Variants in RAB11FIP5 observed in about 807,000 individuals in gnomAD.
RAB11FIP5 encodes RAB11 family interacting protein 5.
Under a neutral mutation model 85.1 loss-of-function variants are expected in RAB11FIP5, and 48 were observed. The ratio of observed to expected loss-of-function variants is 0.56; its 90% CI spans 0.45 to 0.72. The LOEUF (loss-of-function observed/expected upper bound fraction) is 0.72, where lower values mean the gene tolerates loss of function less well. Among genes scored for constraint, RAB11FIP5 ranks in the 30% least tolerant of loss-of-function variants. The pLI is 0.00. For synonymous variants in RAB11FIP5, 729 were observed against 727.3 expected (o/e 1.00, Z -0.04); for missense variants, 1,491 against 1,687.0 (o/e 0.88, Z 2.04).
In RAB11FIP5 at chr2:73,081,095, T is replaced by TCCTCCTCCTCCTCCTCCTCC. The variant is rs1559232929; in HGVS notation, c.2136_2137insGGAGGAGGAGGAGGAGGAGG (p.Arg713GlyfsTer41). The TCCTCCTCCTCCTCCTCCTCC allele has an allele frequency of 8.2e-7, 1 of 1,223,890 alleles. No individual in the cohort carries two copies. Among genetic ancestry groups the TCCTCCTCCTCCTCCTCCTCC allele is most frequent in the African/African-American group, 1.6e-5 (1 of 62,996 alleles). The allele number at this position is 1,223,890 out of a possible 1,614,324, so 75.8% of individuals were successfully genotyped here. A position where few individuals can be genotyped will look rare whatever the true frequency, so the allele number is the denominator to read the frequency against. On this transcript the variant is annotated frameshift_variant, in exon 4 of 6. Coordinates refer to ENST00000486777, the MANE Select transcript of RAB11FIP5 (RefSeq NM_001371272.1). LOFTEE classifies it high-confidence loss of function. The surrounding 1 kb of genome is among the most constrained non-coding windows in gnomAD (Gnocchi z 4.2). ...TCCAGCCACACGCTGCTCCCACCTC[T>TCCTCCTCCTCCTCCTCCTCC]TCCTCCTCCTCCTCCTCCTCCTCCT...
intron 1 of RAB11FIP5, among the ~76,000 whole-genome samples, chr2:73,107,444 T>G (rs1301416901): frequency 6.6e-6 from 1 of 152,188 alleles, no homozygotes; most frequent in Non-Finnish European, 1.5e-5. Flanking sequence ...GATGTGGCTC[T>G]GCTGAGCTGT....
rs3832033 is a variant in RAB11FIP5, at chr2:73,075,763, G to GGCCT, written c.3772-43_3772-40dup. The GGCCT allele has an allele frequency of 0.23, 348,816 of 1,509,836 alleles. 45,622 individuals are homozygous for GGCCT. The highest frequency in any genetic ancestry group is 0.55 in the East Asian group (22,248 of 40,742). The allele number at this position is 1,509,836 out of a possible 1,614,324, so 93.5% of individuals were successfully genotyped here. A position where few individuals can be genotyped will look rare whatever the true frequency, so the allele number is the denominator to read the frequency against. ...GAAGACAGTGAGCAGGGCAGCCCTA[G>GGCCT]GCCTGCCTGCCTGCCTGCCCGCTTG... On this transcript the variant is annotated intron_variant, in intron 5 of 5. Coordinates refer to ENST00000486777, the MANE Select transcript of RAB11FIP5 (RefSeq NM_001371272.1). This position sits in a 1 kb window ranked among gnomAD's most constrained non-coding sequence, Gnocchi z 4.6.
chr2:73,109,679 T>C (rs7602651), intron 1 of RAB11FIP5, among the ~76,000 whole-genome samples: 1 of 152,020 alleles, frequency 6.6e-6, no homozygotes. Flanking sequence ...CCCAGCCCTA[T>C]TTCTTGGGCC....
intron 3 of RAB11FIP5, chr2:73,084,415 A>G (rs1684055399): frequency 6.6e-6 from 1 of 152,120 alleles, no homozygotes; most frequent in Non-Finnish European, 1.5e-5. Context: ...TCTGCATCCT[A>G]GAACCTACTG....
chr2:73,088,070 C>T lies in RAB11FIP5; in HGVS notation c.1548G>A (p.Lys516=), dbSNP rs1684124243. 8 of 1,603,190 alleles carry T rather than the reference C, an allele frequency of 5.0e-6. No homozygotes were observed. Among genetic ancestry groups the T allele is most frequent in the Non-Finnish European group, 6.0e-6 (7 of 1,173,574 alleles). ...KSSWFGLREA[K]DPTQKPSLDV... ...CTTACCTGGGTTTCTGAGTCGGGTC[C>T]TTGGCTTCTCTCAAGCCAAACCAGC... is the stretch of plus-strand genomic sequence containing the variant. The change falls in exon 3 of 6, where the codon AAG becomes AAA. Residue 516 remains lysine (K), a synonymous_variant. Coordinates refer to ENST00000486777, the MANE Select transcript of RAB11FIP5 (RefSeq NM_001371272.1).
chr2:73,111,705 T>TCC, intron 1 of RAB11FIP5, among the ~76,000 whole-genome samples: 1 of 152,240 alleles, frequency 6.6e-6, no homozygotes, highest in South Asian at 2.1e-4. Context: ...CTCAAGTGTT[T>TCC]CCTTCCTTAA....
In RAB11FIP5 at chr2:73,091,897, G is replaced by T. The variant is rs555828696; in HGVS notation, c.432-2582C>A. Among the ~76,000 whole-genome samples, 9 of 152,320 alleles carry T rather than the reference G, an allele frequency of 5.9e-5. No individual in the cohort carries two copies. The East Asian group carries it at 1.5e-3, about 26-fold the overall frequency. On this transcript the variant is annotated intron_variant, in intron 1 of 5. Transcript: ENST00000486777. ...TGAGAAGGCCGGGTAGGAACAGATG[G>T]TGCCACAGGCAGGGCGGACAGAGAA...
At chr2:73,077,336 A>G (rs1165797760) in intron 4 of RAB11FIP5, among the ~76,000 whole-genome samples, 1 of 152,126 alleles carries the variant, frequency 6.6e-6, no homozygotes, top group African/African-American at 2.4e-5. Context: ...CTCGGCCTTA[A>G]CAATCAAGCA....
At chr2:73,083,644 C>G (rs983057074) in intron 3 of RAB11FIP5, among the ~76,000 whole-genome samples, 3 of 152,162 alleles carry the variant, frequency 2.0e-5, no homozygotes, top group African/African-American at 4.8e-5. Context: ...AGCCTCAACC[C>G]CAGCAGATGC....
At position 73,080,868 on chromosome 2, in the gene RAB11FIP5, T is replaced by C. The variant is rs1021119336; in HGVS notation, c.2364A>G (p.Leu788=). 3.0e-5 allele frequency: 37 copies of C among 1,232,376 alleles called. No homozygotes were observed. The South Asian group carries it at 4.5e-4, about 15-fold the overall frequency. The allele number at this position is 1,232,376 out of a possible 1,614,324, so 76.3% of individuals were successfully genotyped here. A position where few individuals can be genotyped will look rare whatever the true frequency, so the allele number is the denominator to read the frequency against. ...CACTGATCACTTCTGGGGAGCTAAATAGAGATGTCCCACTGTCTGCCGGAC... is the reference window on the plus strand; with the variant it reads ...CACTGATCACTTCTGGGGAGCTAAACAGAGATGTCCCACTGTCTGCCGGAC... ...GQSPADSGTS[L]FSSPEVISVW... is the part of the protein sequence containing the mutation. The change falls in exon 4 of 6, where the codon CTA becomes CTG. Residue 788 remains leucine, a synonymous_variant. Coordinates refer to ENST00000486777, the MANE Select transcript of RAB11FIP5 (RefSeq NM_001371272.1).
At position 73,081,280 on chromosome 2, in the gene RAB11FIP5, G is replaced by C. The variant is rs1252482519; in HGVS notation, c.1952C>G (p.Thr651Ser). The C allele has an allele frequency of 1.6e-6, 2 of 1,232,488 alleles. No homozygotes were observed. The highest frequency in any genetic ancestry group is 3.1e-5 in the African/African-American group (2 of 64,438). 76.3% of individuals were successfully genotyped at this position (1,232,488 alleles called of 1,614,324 possible). A position where few individuals can be genotyped will look rare whatever the true frequency, so the allele number is the denominator to read the frequency against. Reference sequence around the variant, plus strand: ...CCTGCTGGCAGCAAAGACGTTGAAGGTGTTGTCCCACTCAGGCAGGGCTTT... The same window carrying C: ...CCTGCTGGCAGCAAAGACGTTGAAGCTGTTGTCCCACTCAGGCAGGGCTTT... ...PGKALPEWDN[T>S]FNVFAASRLR... The change falls in exon 4 of 6, where the codon ACC (threonine) becomes AGC (serine). Residue 651 changes from threonine to serine, a missense_variant. Transcript: ENST00000486777. The surrounding 1 kb of genome is among the most constrained non-coding windows in gnomAD (Gnocchi z 4.2).
Position 73,080,464 on chromosome 2 carries a change from A to T in RAB11FIP5, c.2768T>A (p.Val923Glu). 1 of 1,233,612 alleles carries T rather than the reference A, an allele frequency of 8.1e-7. No homozygotes were observed. The highest frequency in any genetic ancestry group is 1.0e-6 in the Non-Finnish European group (1 of 988,846). 76.4% of individuals were successfully genotyped at this position (1,233,612 alleles called of 1,614,324 possible). A position where few individuals can be genotyped will look rare whatever the true frequency, so the allele number is the denominator to read the frequency against. ...CTCCGGCCCCCTGTTACTCAGCCCCACTGCGGCCTTCTCCTCCTCCTCCTC... is the reference window on the plus strand; with the variant it reads ...CTCCGGCCCCCTGTTACTCAGCCCCTCTGCGGCCTTCTCCTCCTCCTCCTC... ...SQEEEEEKAA[V>E]GLSNRGPETE... Residue 923 changes from valine to glutamate, a missense_variant, in exon 4 of 6, where the codon GTG (valine) becomes GAG (glutamate). Around this residue, in one of 3 missense-constraint regions of RAB11FIP5, gnomAD observed 1,211 missense variants for 1,338.0 expected, o/e 0.91. Transcript: ENST00000486777.
At chr2:73,094,220 T>C (rs6736153) in intron 1 of RAB11FIP5, among the ~76,000 whole-genome samples, 43,230 of 151,876 alleles carry the variant, frequency 0.28, 7,936 homozygotes, top group East Asian at 0.55. Flanking sequence ...TCTGCTACTG[T>C]TCCTTCCTCC....
Position 73,112,361 on chromosome 2 carries a change from G to C in RAB11FIP5, c.417C>G (p.Arg139=). ...CCCCTACTCACTGCGTGTGCTGGGC[G>C]CGGCCTGCGCCGAAGACCTCGTCCA... ...VALDEVFGAG[R]AQHTQWYKLH... The change falls in exon 1 of 6, where the codon CGC becomes CGG. Residue 139 remains arginine (R), a synonymous_variant. Coordinates refer to ENST00000486777, the MANE Select transcript of RAB11FIP5 (RefSeq NM_001371272.1). 1 of 1,587,656 alleles carries C rather than the reference G, an allele frequency of 6.3e-7. No individual in the cohort carries two copies. Among genetic ancestry groups the C allele is most frequent in the Non-Finnish European group, 8.5e-7 (1 of 1,172,998 alleles).
At position 73,075,497 on chromosome 2, in the gene RAB11FIP5, C is replaced by A. The variant is rs761867309; in HGVS notation, c.*24G>T. On this transcript the variant is annotated 3_prime_UTR_variant, in exon 6 of 6. Coordinates refer to ENST00000486777, the MANE Select transcript of RAB11FIP5 (RefSeq NM_001371272.1). The surrounding 1 kb of genome is among the most constrained non-coding windows in gnomAD (Gnocchi z 4.6). ...AGGCAGCAATAGGTCCATGCCAACC[C>A]TCCTGGGGGTAGGGTGAGGAAGGCT... 4 of 1,611,846 alleles carry A rather than the reference C, an allele frequency of 2.5e-6. No homozygotes were observed. The Admixed American group carries it at 6.7e-5, about 27-fold the overall frequency.
chr2:73,088,183 G>A lies in RAB11FIP5; in HGVS notation c.1435C>T (p.Arg479Cys), dbSNP rs143156025. ...HQGLSRSELGRRSSLGEKGGP... is the reference protein window; with the variant it reads ...HQGLSRSELGCRSSLGEKGGP... ...CCCTTTTCCCCCAGAGAGCTTCGGC[G>A]ACCCAACTCGCTCCGACTTAGGCCT... Residue 479 changes from arginine (R) to cysteine (C), a missense_variant, in exon 3 of 6, where the codon CGC becomes TGC. Arg to Cys is a radical substitution (Grantham distance 180). Around this residue, in one of 3 missense-constraint regions of RAB11FIP5, gnomAD observed 1,211 missense variants for 1,338.0 expected, o/e 0.91. Coordinates refer to ENST00000486777, the MANE Select transcript of RAB11FIP5 (RefSeq NM_001371272.1). 252 of 1,613,914 alleles carry A rather than the reference G, an allele frequency of 1.6e-4. No individual in the cohort carries two copies. In the African/African-American group the frequency reaches 2.8e-3, roughly 18 times the overall value.
intron 1 of RAB11FIP5, among the ~76,000 whole-genome samples, chr2:73,105,927 T>C (rs1284439170): frequency 6.6e-6 from 1 of 152,124 alleles, no homozygotes; most frequent in Non-Finnish European, 1.5e-5. Context: ...GTCCAGTGAC[T>C]CATGCCTATA....
intron 1 of RAB11FIP5, among the ~76,000 whole-genome samples, chr2:73,091,005 C>G (rs1684196372): frequency 6.6e-6 from 1 of 152,232 alleles, no homozygotes; most frequent in South Asian, 2.1e-4. Flanking sequence ...TGGGAACTCT[C>G]TATACTTTTC....
intron 1 of RAB11FIP5, among the ~76,000 whole-genome samples, chr2:73,106,886 T>G (rs1684538038): frequency 6.6e-6 from 1 of 152,060 alleles, no homozygotes; most frequent in Non-Finnish European, 1.5e-5. Context: ...AAGGTCACAG[T>G]GGCCTGTGAT....
Sources: gnomAD v4.1 joint callset for allele counts (sites outside exome capture counted in the v4.1 genomes callset) on GRCh38, gnomAD v4.1.1 for gene constraint, gnomAD v4.1.1 regional missense constraint, Gnocchi (gnomAD v3.1) non-coding constraint, MANE v1.5 for transcripts, NCBI Gene and HGNC (gene_info 2026-07-23, HGNC 2026-07-21) for gene names.